The following ABR variants were observed in gnomAD, a reference collection of about 807,000 sequenced individuals.
ABR encodes ABR activator of RhoGEF and GTPase, also known as active breakpoint cluster region-related protein.
ABR carries 35 observed loss-of-function variants against 107.2 expected under a neutral mutation model. That is an observed-to-expected ratio of 0.33 (90% CI 0.25 to 0.43). The LOEUF (loss-of-function observed/expected upper bound fraction) is 0.43. Ranked by LOEUF, ABR falls within the 20% of genes least tolerant of loss-of-function variation. The pLI is 1.00. For missense variants in ABR, 815 were observed against 1,115.2 expected (o/e 0.73, Z 3.83); for synonymous variants, 498 against 462.0 (o/e 1.08, Z -1.00).
At chr17:1,137,395 G>A (rs972382479) in intron 1 of ABR, among the ~76,000 whole-genome samples, 1 of 151,944 alleles carries the variant, frequency 6.6e-6, no homozygotes, top group Non-Finnish European at 1.5e-5. Flanking sequence ...ACACCTCGAG[G>A]CCACTGTAGG....
chr17:1,018,279 T>C (rs2071349628), intron 16 of ABR, among the ~76,000 whole-genome samples: 2 of 152,080 alleles, frequency 1.3e-5, no homozygotes, highest in South Asian at 4.1e-4. Flanking sequence ...CCTGACCTCG[T>C]GATTCGCCCA....
At chr17:1,129,431 C>G (rs966715222) in intron 1 of ABR, among the ~76,000 whole-genome samples, 8 of 152,070 alleles carry the variant, frequency 5.3e-5, no homozygotes, top group Non-Finnish European at 1.2e-4. Context: ...ACTTAGGAGG[C>G]TGAGGCAGAA....
At chr17:1,168,302 A>G (rs990996503) in intron 1 of ABR, among the ~76,000 whole-genome samples, 2 of 152,082 alleles carry the variant, frequency 1.3e-5, no homozygotes, top group African/African-American at 4.8e-5. Flanking sequence ...CTCTGTCTCA[A>G]AAAAAAAGAT....
At chr17:1,043,935 C>T (rs116428772) in intron 16 of ABR, among the ~76,000 whole-genome samples, 3,108 of 152,288 alleles carry the variant, frequency 0.02, 123 homozygotes, top group African/African-American at 0.071. Context: ...GAGGGCCCCT[C>T]AGGTTTAAGT....
chr17:1,157,982 T>C lies in ABR; in HGVS notation c.61+21685A>G, dbSNP rs934157448. Among the ~76,000 whole-genome samples the C allele has an allele frequency of 6.6e-6, 1 of 152,182 alleles. No homozygotes were observed. Among genetic ancestry groups the C allele is most frequent in the African/African-American group, 2.4e-5 (1 of 41,456 alleles). The stretch of plus-strand genomic sequence containing the variant: ...TTTCAAGCGTGCATGGGTATATGTG[T>C]GTGTGCAGATGTACGTATGTGTGTC... On this transcript the variant is annotated intron_variant, in intron 1 of 22. Transcript: ENST00000302538. The surrounding 1 kb of genome is among the most constrained non-coding windows in gnomAD (Gnocchi z 4.7).
At position 1,227,582 on chromosome 17, in the gene ABR, T is replaced by C. The variant is rs1226352591; in HGVS notation, c.838+1211A>G. On this transcript the variant is annotated intron_variant, in intron 1 of 22. Coordinates refer to the ABR transcript ENST00000574139. Reference sequence around the variant, plus strand: ...CAAAGTGGACAGTTTTTCATTCAAATGCAAACTCATCCAGATAAAATCTAA... The same window carrying C: ...CAAAGTGGACAGTTTTTCATTCAAACGCAAACTCATCCAGATAAAATCTAA... Among the ~76,000 whole-genome samples, 3 of 152,216 alleles carry C rather than the reference T, an allele frequency of 2.0e-5. No individual in the cohort carries two copies. In the East Asian group the frequency reaches 5.8e-4, roughly 29 times the overall value.
intron 1 of ABR, among the ~76,000 whole-genome samples, chr17:1,226,409 G>T (rs910923490): frequency 2.0e-5 from 3 of 152,164 alleles, no homozygotes; most frequent in Non-Finnish European, 4.4e-5. Context: ...GTGTATGCAT[G>T]TATGTGGCAG....
chr17:1,067,994 G>C (rs1030566349), intron 9 of ABR, among the ~76,000 whole-genome samples: 1 of 152,056 alleles, frequency 6.6e-6, no homozygotes, highest in South Asian at 2.1e-4. Flanking sequence ...GTGCAATGGC[G>C]CGATCTCCAC....
chr17:1,145,488 AAGGCGGGTGGCCAGG>A (rs2040487996), intron 1 of ABR, among the ~76,000 whole-genome samples: 1 of 152,206 alleles, frequency 6.6e-6, no homozygotes, highest in African/African-American at 2.4e-5. Context: ...AGAGCTGCAG[AAGGCGGGTGGCCAGG>A]AGGCGATGAC....
In ABR at chr17:1,072,713, C is replaced by G. The variant is rs558900216; in HGVS notation, c.795G>C (p.Pro265=). The change falls in exon 8 of 23, where the codon CCG becomes CCC. Residue 265 remains proline (P), a synonymous_variant. Coordinates refer to ENST00000302538, the MANE Select transcript of ABR (RefSeq NM_021962.5). Reference sequence around the variant, plus strand: ...AGATGCGGAGGGCATCCTGCAGCAGCGGGTAGTCGGGGTGGTCCACAGGTG... The same window carrying G: ...AGATGCGGAGGGCATCCTGCAGCAGGGGGTAGTCGGGGTGGTCCACAGGTG... ...KHTPVDHPDY[P]LLQDALRISQ... 1.9e-6 allele frequency: 3 copies of G among 1,613,694 alleles called. No individual in the cohort carries two copies. The East Asian group carries it at 6.7e-5, about 36-fold the overall frequency.
chr17:1,161,483 C>G (rs1290278332), intron 1 of ABR, among the ~76,000 whole-genome samples: 1 of 151,906 alleles, frequency 6.6e-6, no homozygotes, highest in African/African-American at 2.4e-5. Flanking sequence ...TAGTCTCGAG[C>G]AATCCTCCCA....
At chr17:1,137,410 C>T (rs910406505) in intron 1 of ABR, among the ~76,000 whole-genome samples, 1 of 144,424 alleles carries the variant, frequency 6.9e-6, no homozygotes, top group South Asian at 2.4e-4. Context: ...TGTAGGGTTA[C>T]TCACTGGACT....
chr17:1,157,096 A>G lies in ABR; in HGVS notation c.61+22571T>C, dbSNP rs772326417. ...AGGAGGCAGGCACTAATATTATCTC[A>G]ATTTTACGGATGAGGAAACCGAAGC... On this transcript the variant is annotated intron_variant, in intron 1 of 22. Transcript: ENST00000302538. This position sits in a 1 kb window ranked among gnomAD's most constrained non-coding sequence, Gnocchi z 4.7. Among the ~76,000 whole-genome samples the G allele has an allele frequency of 2.7e-4, 41 of 152,148 alleles. No homozygotes were observed. The highest frequency in any genetic ancestry group is 9.4e-4 in the African/African-American group (39 of 41,486).
At chr17:1,057,310 GTGTGTGT>G (rs2033411560) in intron 12 of ABR, among the ~76,000 whole-genome samples, 1 of 1,796 alleles carries the variant, frequency 5.6e-4, no homozygotes, top group Non-Finnish European at 1.4e-3. Context: ...GAAGAGGTTT[GTGTGTGT>G]GTGTGTGTGT....
rs753754804 is a variant in ABR, at chr17:1,071,647, C to T, written c.894+967G>A. On this transcript the variant is annotated intron_variant, in intron 8 of 22. Transcript: ENST00000302538. The surrounding 1 kb of genome is among the most constrained non-coding windows in gnomAD (Gnocchi z 5.1). ...CCAGCCTTTCCTGCTGTGGGCTCCC[C>T]GCAAGCCACTGCGTGTGCAGGCCGA... 5.3e-5 allele frequency among the ~76,000 whole-genome samples: 8 copies of T among 152,358 alleles called. No homozygotes were observed. The East Asian group carries it at 1.4e-3, about 26-fold the overall frequency.
chr17:1,051,443 G>A lies in ABR; in HGVS notation c.1562-809C>T, dbSNP rs533862174. Among the ~76,000 whole-genome samples the A allele has an allele frequency of 1.2e-4, 18 of 152,252 alleles. No homozygotes were observed. In the South Asian group the frequency reaches 1.7e-3, roughly 14 times the overall value. On this transcript the variant is annotated intron_variant, in intron 14 of 22. Coordinates refer to ENST00000302538, the MANE Select transcript of ABR (RefSeq NM_021962.5). This position sits in a 1 kb window ranked among gnomAD's most constrained non-coding sequence, Gnocchi z 4.3. ...AGGGCTGGGGCGGGAGGGCAGGGCC[G>A]GGGGCTTTCCCCGGCATTTCCATCT...
chr17:1,079,009 G>C, intron 6 of ABR: 2 of 1,460,446 alleles, frequency 1.4e-6, no homozygotes, highest in Non-Finnish European at 9.0e-7. Context: ...TCCAGCAAGG[G>C]GGAGGGGAGG....
intron 1 of ABR, among the ~76,000 whole-genome samples, chr17:1,158,711 C>T (rs1008399688): frequency 6.6e-6 from 1 of 151,766 alleles, no homozygotes; most frequent in Admixed American, 6.6e-5. Context: ...TGCAATGAGC[C>T]AAGACCGTGC....
At chr17:1,133,157 G>A (rs987247157) in intron 1 of ABR, among the ~76,000 whole-genome samples, 9 of 151,848 alleles carry the variant, frequency 5.9e-5, no homozygotes, top group African/African-American at 9.7e-5. Flanking sequence ...CAGGATAATC[G>A]CTTGAACCTG....
Sources: allele counts gnomAD v4.1 joint callset (sites outside exome capture counted in the v4.1 genomes callset), GRCh38; gene constraint gnomAD v4.1.1; non-coding constraint Gnocchi (gnomAD v3.1); transcripts MANE v1.5; gene names NCBI Gene and HGNC (gene_info 2026-07-23, HGNC 2026-07-21).